The following BANK1 variants were observed in gnomAD, a reference collection of about 807,000 sequenced individuals.
BANK1 encodes B cell scaffold protein with ankyrin repeats 1, also known as B-cell scaffold protein with ankyrin repeats.
Under a neutral mutation model 94.5 loss-of-function variants are expected in BANK1, and 95 were observed. That is an observed-to-expected ratio of 1.00 (90% CI 0.85 to 1.19). The LOEUF is 1.19. Among genes scored for constraint, BANK1 ranks in the 50% most tolerant of loss-of-function variants. The pLI, the probability that BANK1 is intolerant of heterozygous loss-of-function variation, is 0.00. For missense variants in BANK1, 987 were observed against 932.2 expected (o/e 1.06, Z -0.77); for synonymous variants, 334 against 308.4 (o/e 1.08, Z -0.87).
intron 7 of BANK1, among the ~76,000 whole-genome samples, chr4:102,015,169 G>A (rs972376048): frequency 5.3e-5 from 8 of 151,666 alleles, no homozygotes; most frequent in Non-Finnish European, 1.2e-4. Flanking sequence ...TTCCATGTCA[G>A]GCTTATTTAA....
At chr4:101,937,058 C>G (rs964426300) in intron 7 of BANK1, among the ~76,000 whole-genome samples, 1 of 151,540 alleles carries the variant, frequency 6.6e-6, no homozygotes, top group Non-Finnish European at 1.5e-5. Context: ...CTAAGTGTCC[C>G]TCAACAGACA....
intron 7 of BANK1, among the ~76,000 whole-genome samples, chr4:101,931,719 A>G (rs1311779996): frequency 2.0e-5 from 3 of 151,508 alleles, no homozygotes; most frequent in Non-Finnish European, 3.0e-5. Flanking sequence ...CAGTCTTTCA[A>G]TGGTAAAATC....
intron 7 of BANK1, among the ~76,000 whole-genome samples, chr4:101,994,990 G>A (rs114243556): frequency 0.013 from 2,025 of 152,134 alleles, 22 homozygotes; most frequent in Middle Eastern, 0.034. Context: ...GGAGACATGT[G>A]CAGAACGTGC....
In BANK1 at chr4:101,868,370, A is replaced by G. The variant is rs75700726; in HGVS notation, c.764-2135A>G. On this transcript the variant is annotated intron_variant, in intron 4 of 16. Coordinates refer to ENST00000322953, the MANE Select transcript of BANK1 (RefSeq NM_017935.5). ...TTTTAGAAAAAGAAAAATTATCATG[A>G]ATGAACAGAAGCATTATATAATGAT... is the stretch of plus-strand genomic sequence containing the variant. Among the ~76,000 whole-genome samples the G allele has an allele frequency of 4.7e-3, 719 of 152,156 alleles. 13 individuals carry two copies. In the East Asian group the frequency reaches 0.058, roughly 12 times the overall value.
chr4:102,019,594 A>G (rs975771858), intron 7 of BANK1, among the ~76,000 whole-genome samples: 5 of 152,206 alleles, frequency 3.3e-5, no homozygotes, highest in Admixed American at 6.5e-5. Context: ...TCCAAAGTCT[A>G]TGTTCTGTCT....
At position 102,043,860 on chromosome 4, in the gene BANK1, G is replaced by T. The variant is rs750069678; in HGVS notation, c.1922G>T (p.Arg641Ile). 6 of 1,603,688 alleles carry T rather than the reference G, an allele frequency of 3.7e-6. No homozygotes were observed. In the Admixed American group the frequency reaches 1.0e-4, roughly 27 times the overall value. ...IAQVFQQKTA[R>I]RQSDDDKFCG... is the part of the protein sequence containing the mutation. ...ACAGTGTTTCAACAAAAGACAGCCA[G>T]AAGACAATCTGATGATGACAAGTTC... The change falls in exon 11 of 17, where the codon AGA (arginine) becomes ATA (isoleucine). Residue 641 changes from arginine to isoleucine, a missense_variant. By Grantham distance (97) the Arg-to-Ile change is moderately conservative. Transcript: ENST00000322953.
intron 5 of BANK1, among the ~76,000 whole-genome samples, chr4:101,891,915 A>T (rs1487774479): frequency 6.6e-6 from 1 of 151,806 alleles, no homozygotes; most frequent in Non-Finnish European, 1.5e-5. Context: ...TTCAAGCATG[A>T]TTATAATTGC....
intron 6 of BANK1, among the ~76,000 whole-genome samples, chr4:101,905,549 T>G (rs2148895049): frequency 6.6e-6 from 1 of 152,334 alleles, no homozygotes; most frequent in South Asian, 2.1e-4. Context: ...TTTCCCTATC[T>G]GGCGGCCTGA....
chr4:101,999,996 A>T (rs937751070), intron 7 of BANK1, among the ~76,000 whole-genome samples: 1 of 152,184 alleles, frequency 6.6e-6, no homozygotes, highest in African/African-American at 2.4e-5. Flanking sequence ...TGACCATAGA[A>T]TATACTATCC....
intron 8 of BANK1, among the ~76,000 whole-genome samples, chr4:102,023,524 G>C (rs1189304556): frequency 6.6e-6 from 1 of 152,110 alleles, no homozygotes; most frequent in African/African-American, 2.4e-5. Flanking sequence ...TCTTGTATAT[G>C]AAACTGTGTG....
At chr4:101,872,538 C>T (rs1728330616) in intron 5 of BANK1, among the ~76,000 whole-genome samples, 1 of 152,134 alleles carries the variant, frequency 6.6e-6, no homozygotes. Flanking sequence ...GCACTTTCTA[C>T]CCCTGAGGAA....
At chr4:101,958,608 T>C (rs1392519194) in intron 7 of BANK1, among the ~76,000 whole-genome samples, 1 of 152,190 alleles carries the variant, frequency 6.6e-6, no homozygotes, top group African/African-American at 2.4e-5. Context: ...CCTTAAAACA[T>C]TTATTGTGCT....
intron 7 of BANK1, among the ~76,000 whole-genome samples, chr4:101,956,378 T>C (rs1724342390): frequency 6.6e-6 from 1 of 152,210 alleles, no homozygotes; most frequent in Non-Finnish European, 1.5e-5. Context: ...ATGCAGGCAA[T>C]TGTAATACTA....
intron 4 of BANK1, among the ~76,000 whole-genome samples, chr4:101,867,624 TATC>T (rs1386614150): frequency 1.3e-5 from 2 of 151,942 alleles, no homozygotes; most frequent in African/African-American, 4.8e-5. Context: ...ATGACAGCAA[TATC>T]ATAAGGGACA....
At chr4:101,859,775 T>C (rs1051456404) in intron 3 of BANK1, among the ~76,000 whole-genome samples, 4 of 152,190 alleles carry the variant, frequency 2.6e-5, no homozygotes, top group African/African-American at 9.6e-5. Flanking sequence ...TAAAAATATA[T>C]ATACAGAATG....
intron 15 of BANK1, 117 bp from the exon 16 acceptor site, chr4:102,073,567 C>A: frequency 2.4e-6 from 2 of 836,086 alleles, no homozygotes; most frequent in South Asian, 1.7e-5. Flanking sequence ...GTTTTCTCTG[C>A]AAAGCTGTTT....
intron 1 of BANK1, among the ~76,000 whole-genome samples, chr4:101,792,438 GGTTT>G (rs1409922659): frequency 7.6e-6 from 1 of 131,318 alleles, no homozygotes; most frequent in African/African-American, 3.1e-5. Context: ...TAAATCCAGT[GGTTT>G]GTGTGTGTGT....
chr4:102,067,514 A>G (rs1215934881), intron 13 of BANK1, among the ~76,000 whole-genome samples: 2 of 152,094 alleles, frequency 1.3e-5, no homozygotes, highest in African/African-American at 4.8e-5. Context: ...TGGCATGGCT[A>G]TATCAATGTA....
At chr4:101,844,942 G>A (rs1318748971) in intron 2 of BANK1, among the ~76,000 whole-genome samples, 2 of 152,102 alleles carry the variant, frequency 1.3e-5, no homozygotes, top group Non-Finnish European at 2.9e-5. Context: ...AATAAATGGG[G>A]TGATAAACAA....
Sources: allele counts gnomAD v4.1 joint callset (sites outside exome capture counted in the v4.1 genomes callset), GRCh38; gene constraint gnomAD v4.1.1; transcripts MANE v1.5; gene names NCBI Gene and HGNC (gene_info 2026-07-23, HGNC 2026-07-21).